TMEM260: variants seen among roughly 807,000 people sequenced by gnomAD.
TMEM260 encodes the protein protein O-mannosyl-transferase TMEM260.
Under a neutral mutation model 88.9 loss-of-function variants are expected in TMEM260, and 82 were observed. The observed-to-expected ratio is 0.92, with a 90% confidence interval of 0.77 to 1.11. The LOEUF is 1.11. Ranked by LOEUF, TMEM260 falls within the 50% of genes least tolerant of loss-of-function variation. TMEM260 has a pLI of 0.00. For missense variants in TMEM260, 902 were observed against 853.4 expected (o/e 1.06, Z -0.71); for synonymous variants, 314 against 309.3 (o/e 1.02, Z -0.16).
chr14:56,588,271 C>G (rs1322392554), intron 3 of TMEM260, among the ~76,000 whole-genome samples: 1 of 151,954 alleles, frequency 6.6e-6, no homozygotes, highest in Non-Finnish European at 1.5e-5. Context: ...TAAATTAATT[C>G]TTTTAACAGG....
intron 12 of TMEM260, among the ~76,000 whole-genome samples, chr14:56,627,584 G>A (rs556741670): frequency 2.6e-3 from 395 of 152,194 alleles, no homozygotes; most frequent in Non-Finnish European, 3.9e-3. Flanking sequence ...TAAATTATTA[G>A]TATAGATTCT....
At chr14:56,585,148 G>A in intron 2 of TMEM260, 116 bp downstream of exon 2, 1 of 924,530 alleles carries the variant, frequency 1.1e-6, no homozygotes, top group Non-Finnish European at 1.6e-6. Flanking sequence ...CCCGTTTTTA[G>A]TAACTTATAA....
chr14:56,626,473 G>A (rs989417636), intron 12 of TMEM260, among the ~76,000 whole-genome samples: 10 of 152,188 alleles, frequency 6.6e-5, no homozygotes, highest in Non-Finnish European at 1.5e-4. Flanking sequence ...GTAGAAAGAT[G>A]AATGGGACTC....
chr14:56,628,343 A>G (rs1282632246), intron 12 of TMEM260, among the ~76,000 whole-genome samples: 2 of 152,224 alleles, frequency 1.3e-5, no homozygotes, highest in African/African-American at 4.8e-5. Flanking sequence ...TGCAGTTTGT[A>G]AATATTTTCT....
chr14:56,613,335 T>A (rs892352145), intron 7 of TMEM260: 1 of 152,196 alleles, frequency 6.6e-6, no homozygotes, highest in African/African-American at 2.4e-5. Context: ...AATAGCTTGC[T>A]TTCTTCCAGC....
chr14:56,610,340 A>T lies in TMEM260; in HGVS notation c.816+1055A>T, dbSNP rs558783737. 6.6e-5 allele frequency among the ~76,000 whole-genome samples: 10 copies of T among 152,210 alleles called. No individual in the cohort carries two copies. In the South Asian group the frequency reaches 2.1e-3, roughly 32 times the overall value. ...GCTGCAAGCTCCGCCTCCCGGGTTCACGCCATTCTGCTGCCTCAGCCTCCC... is the reference window on the plus strand; with the variant it reads ...GCTGCAAGCTCCGCCTCCCGGGTTCTCGCCATTCTGCTGCCTCAGCCTCCC... On this transcript the variant is annotated intron_variant, in intron 6 of 15. Coordinates refer to ENST00000261556, the MANE Select transcript of TMEM260 (RefSeq NM_017799.4).
chr14:56,602,248 AAGT>A (rs1886623585), intron 3 of TMEM260, among the ~76,000 whole-genome samples: 1 of 152,180 alleles, frequency 6.6e-6, no homozygotes, highest in Non-Finnish European at 1.5e-5. Flanking sequence ...TTTGAGAAAG[AAGT>A]AGGATTTAAA....
intron 15 of TMEM260, among the ~76,000 whole-genome samples, chr14:56,646,770 G>C: frequency 6.6e-6 from 1 of 152,006 alleles, no homozygotes; most frequent in Non-Finnish European, 1.5e-5. Context: ...TTTTAATGTA[G>C]AGAGAAATTT....
downstream of TMEM260, among the ~76,000 whole-genome samples, chr14:56,653,163 C>T (rs4901710): frequency 0.69 from 105,304 of 151,666 alleles, 38,043 homozygotes; most frequent in Non-Finnish European, 0.8. Flanking sequence ...GGCATGGTGG[C>T]GGGCTCTGGA....
intron 3 of TMEM260, among the ~76,000 whole-genome samples, chr14:56,596,551 G>A (rs1166380135): frequency 6.6e-6 from 1 of 150,376 alleles, no homozygotes. Context: ...TGGATCACCT[G>A]AGGTCAGGAG....
chr14:56,651,793 G>A (rs140537756), downstream of TMEM260, among the ~76,000 whole-genome samples: 27 of 152,248 alleles, frequency 1.8e-4, no homozygotes, highest in East Asian at 7.7e-4. Context: ...AAACTTTAGC[G>A]TATAAGAAGT....
intron 11 of TMEM260, 74 bp downstream of exon 11, chr14:56,621,776 T>A (rs1887938684): frequency 1.5e-6 from 2 of 1,312,208 alleles, no homozygotes; most frequent in South Asian, 1.5e-5. Flanking sequence ...ACATCTTTTT[T>A]AAAATGGTGG....
At chr14:56,638,618 G>A (rs1250665601) in intron 15 of TMEM260, among the ~76,000 whole-genome samples, 3 of 151,994 alleles carry the variant, frequency 2.0e-5, no homozygotes, top group Non-Finnish European at 2.9e-5. Context: ...CTCCAGATGT[G>A]TGACAATGTT....
intron 7 of TMEM260, chr14:56,613,473 A>G (rs1262863922): frequency 6.6e-6 from 1 of 152,220 alleles, no homozygotes; most frequent in Non-Finnish European, 1.5e-5. Context: ...TATAAATCCA[A>G]CATGCAGAGA....
At chr14:56,653,358 T>C (rs1196981100), downstream of TMEM260, among the ~76,000 whole-genome samples, 2 of 152,090 alleles carry the variant, frequency 1.3e-5, no homozygotes, top group African/African-American at 4.8e-5. Flanking sequence ...AAGAAATTGA[T>C]AAATGTGTGT....
In TMEM260 at chr14:56,636,611, TTTATATGTAGATATAGATA is replaced by T; in HGVS notation, c.1869+15_1869+33del. 6.2e-7 allele frequency: 1 copy of T among 1,608,012 alleles called. No individual in the cohort carries two copies. Among genetic ancestry groups the T allele is most frequent in the Non-Finnish European group, 8.5e-7 (1 of 1,174,426 alleles). ...TCAAGCATATGACGTATGTTACACT[TTTATATGTAGATATAGATA>T]TATTTGGTGGGAAGGTGATGGTGAT... On this transcript the variant is annotated intron_variant, in intron 15 of 15. Transcript: ENST00000261556.
Position 56,584,911 on chromosome 14 carries a change from A to G in TMEM260, c.161-90A>G, listed in dbSNP as rs1251668435. ...AGTTTTATCCAGTCAAATTAATGCA[A>G]AACCCCAATGCAAGCATTTGGATTT... On this transcript the variant is annotated intron_variant, in intron 1 of 15. Transcript: ENST00000261556. 4.8e-6 allele frequency: 5 copies of G among 1,036,030 alleles called. No homozygotes were observed. The East Asian group carries it at 1.2e-4, about 25-fold the overall frequency. 64.2% of individuals were successfully genotyped at this position (1,036,030 alleles called of 1,614,324 possible). A position where few individuals can be genotyped will look rare whatever the true frequency, so the allele number is the denominator to read the frequency against.
At chr14:56,635,089 C>A in intron 14 of TMEM260, 137 bp downstream of exon 14, 1 of 734,196 alleles carries the variant, frequency 1.4e-6, no homozygotes, top group Admixed American at 2.3e-5. Context: ...GTTTTTGAGG[C>A]ACTGTACTAA....
chr14:56,585,548 G>C, intron 2 of TMEM260: 1 of 505,948 alleles, frequency 2.0e-6, no homozygotes. Context: ...TCTGGGTGAC[G>C]CACCATGTGA....
Sources: allele counts gnomAD v4.1 joint callset (sites outside exome capture counted in the v4.1 genomes callset), GRCh38; gene constraint gnomAD v4.1.1; transcripts MANE v1.5; gene names NCBI Gene and HGNC (gene_info 2026-07-23, HGNC 2026-07-21).